SLC24A2: variants seen among roughly 807,000 people sequenced by gnomAD.
The protein encoded by SLC24A2 is sodium/potassium/calcium exchanger 2.
SLC24A2 carries 36 observed loss-of-function variants against 62.0 expected under a neutral mutation model. That is an observed-to-expected ratio of 0.58 (90% confidence interval 0.44 to 0.77). SLC24A2 has a LOEUF of 0.77. Ranked by LOEUF, SLC24A2 falls within the 30% of genes least tolerant of loss-of-function variation. SLC24A2 has a pLI of 0.00. For missense variants in SLC24A2, 846 were observed against 817.9 expected (o/e 1.03, Z -0.42); for synonymous variants, 358 against 294.0 (o/e 1.22, Z -2.23).
chr9:19,773,101 C>G (rs1033112327), intron 2 of SLC24A2, among the ~76,000 whole-genome samples: 10 of 152,124 alleles, frequency 6.6e-5, no homozygotes, highest in African/African-American at 2.4e-4. Flanking sequence ...TGTGAAATGT[C>G]CACAATAGGC....
chr9:19,616,882 C>T (rs760676666), intron 4 of SLC24A2, among the ~76,000 whole-genome samples: 4 of 151,120 alleles, frequency 2.6e-5, no homozygotes, highest in South Asian at 2.1e-4. Context: ...GCAGGAGTAA[C>T]GCAGGGAAAA....
At chr9:19,550,052 T>G (rs1834767715) in intron 8 of SLC24A2, 85 bp downstream of exon 8, 1 of 1,426,462 alleles carries the variant, frequency 7.0e-7, no homozygotes, top group African/African-American at 1.4e-5. Context: ...TCCTTTTTCC[T>G]TTTAACACAA....
the SLC24A2 span, among the ~76,000 whole-genome samples, chr9:19,840,972 A>AAT: frequency 6.6e-6 from 1 of 152,142 alleles, no homozygotes; most frequent in African/African-American, 2.4e-5. Flanking sequence ...TACATAAGGG[A>AAT]ATATATATCA....
chr9:19,953,197 T>G, the SLC24A2 span, among the ~76,000 whole-genome samples: 1 of 152,038 alleles, frequency 6.6e-6, no homozygotes, highest in Non-Finnish European at 1.5e-5. Context: ...ACGATTTCAT[T>G]GATTTTTCCC....
At chr9:20,047,460 G>A in the SLC24A2 span, among the ~76,000 whole-genome samples, 1 of 151,232 alleles carries the variant, frequency 6.6e-6, no homozygotes, top group Non-Finnish European at 1.5e-5. Flanking sequence ...CAGTATCTTA[G>A]TCAGTTTGGG....
At chr9:20,167,861 A>G in the SLC24A2 span, among the ~76,000 whole-genome samples, 1 of 150,362 alleles carries the variant, frequency 6.7e-6, no homozygotes, top group Non-Finnish European at 1.5e-5. Flanking sequence ...CTGGGATTAC[A>G]GCCATGAGCC....
At chr9:20,009,937 T>G in the SLC24A2 span, among the ~76,000 whole-genome samples, 1 of 152,070 alleles carries the variant, frequency 6.6e-6, no homozygotes, top group Non-Finnish European at 1.5e-5. Context: ...GAGACCTCAC[T>G]CAACCTTGGA....
chr9:20,064,445 AT>A, the SLC24A2 span, among the ~76,000 whole-genome samples: 84 of 152,292 alleles, frequency 5.5e-4, 1 homozygote, highest in African/African-American at 1.9e-3. Flanking sequence ...AAATTATTGA[AT>A]TATAATTTAC....
At chr9:19,636,319 C>CTTTTCTTTTCTTTTCTTTTCT (rs1554690372) in intron 2 of SLC24A2, among the ~76,000 whole-genome samples, 3 of 43,470 alleles carry the variant, frequency 6.9e-5, no homozygotes, top group South Asian at 8.0e-4. Flanking sequence ...CTTTTCTTTT[C>CTTTTCTTTTCTTTTCTTTTCT]TTTCTTTCTT....
chr9:19,842,444 G>C, the SLC24A2 span, among the ~76,000 whole-genome samples: 2 of 152,156 alleles, frequency 1.3e-5, no homozygotes, highest in African/African-American at 2.4e-5. Context: ...TACAGGAAAC[G>C]ATTTATGCTT....
At chr9:20,053,673 C>A in the SLC24A2 span, among the ~76,000 whole-genome samples, 1 of 152,166 alleles carries the variant, frequency 6.6e-6, no homozygotes, top group Non-Finnish European at 1.5e-5. Flanking sequence ...ACCTCCCTTA[C>A]TCCTTCCATT....
the SLC24A2 span, among the ~76,000 whole-genome samples, chr9:20,169,897 G>T: frequency 6.6e-6 from 1 of 151,990 alleles, no homozygotes; most frequent in African/African-American, 2.4e-5. Flanking sequence ...GGAGGCACTA[G>T]AGAAAGGCAA....
rs140797846 is a variant in SLC24A2 at position 19,586,717 on chromosome 9, C to G, written c.1130-9695G>C. On this transcript the variant is annotated intron_variant, in intron 5 of 10. Coordinates refer to ENST00000341998, the MANE Select transcript of SLC24A2 (RefSeq NM_020344.4). ...TCAGGAAAAGGGCCAACTTACTGATCGTGGCCGTTTCTGACAGTGCTTGAG... is the reference window on the plus strand; with the variant it reads ...TCAGGAAAAGGGCCAACTTACTGATGGTGGCCGTTTCTGACAGTGCTTGAG... Among the ~76,000 whole-genome samples the G allele has an allele frequency of 1.2e-3, 177 of 152,226 alleles. 1 individual carries two copies. Among genetic ancestry groups the G allele is most frequent in the East Asian group, 3.5e-3 (18 of 5,176 alleles).
At chr9:20,156,851 AT>A in the SLC24A2 span, among the ~76,000 whole-genome samples, 1 of 151,718 alleles carries the variant, frequency 6.6e-6, no homozygotes, top group Non-Finnish European at 1.5e-5. Flanking sequence ...CAACACATCA[AT>A]TAACATTTTT....
At chr9:19,647,068 G>GCGCACACA (rs746685999) in intron 2 of SLC24A2, among the ~76,000 whole-genome samples, 35 of 80,048 alleles carry the variant, frequency 4.4e-4, no homozygotes, top group Admixed American at 1.2e-3. Flanking sequence ...ACACACGCGC[G>GCGCACACA]CACACACACA....
At chr9:19,788,447 G>C in intron 1 of SLC24A2, 1 of 943,230 alleles carries the variant, frequency 1.1e-6, no homozygotes, top group Non-Finnish European at 1.3e-6. Flanking sequence ...TTCGCCCCCA[G>C]CCGCGCCCCA....
chr9:19,979,839 C>T, the SLC24A2 span, among the ~76,000 whole-genome samples: 818 of 152,300 alleles, frequency 5.4e-3, 15 homozygotes, highest in African/African-American at 0.018. Context: ...TCACTCACAA[C>T]GCAACTTTAA....
At chr9:20,176,962 A>G in the SLC24A2 span, among the ~76,000 whole-genome samples, 3 of 152,000 alleles carry the variant, frequency 2.0e-5, no homozygotes, top group African/African-American at 7.2e-5. Context: ...ATTGTTCCTT[A>G]TATGTTTTAA....
chr9:20,303,222 T>C, the SLC24A2 span, among the ~76,000 whole-genome samples: 1 of 152,096 alleles, frequency 6.6e-6, no homozygotes, highest in Non-Finnish European at 1.5e-5. Flanking sequence ...TACCATTCCA[T>C]TTACATTAAA....
Sources: gnomAD v4.1 joint callset for allele counts (sites outside exome capture counted in the v4.1 genomes callset) on GRCh38, gnomAD v4.1.1 for gene constraint, MANE v1.5 for transcripts, NCBI Gene and HGNC (gene_info 2026-07-23, HGNC 2026-07-21) for gene names.